LRRC74B: variants seen among roughly 807,000 people sequenced by gnomAD.
LRRC74B encodes the protein leucine rich repeat containing 74B.
A neutral mutation model predicts 16.6 loss-of-function variants in LRRC74B; 30 were observed. That is an observed-to-expected ratio of 1.80 (90% CI 1.35 to 2.45). LRRC74B has a LOEUF of 2.45. LRRC74B is among the 30% of genes most tolerant of loss of function. The probability of loss-of-function intolerance (pLI) is 0.00; values close to 1 mark genes in which losing one functional copy is unlikely to be tolerated. For synonymous variants in LRRC74B, 134 were observed against 86.0 expected (o/e 1.56, Z -3.09); for missense variants, 326 against 202.4 (o/e 1.61, Z -3.71).
At chr22:21,048,822 T>C in intron 3 of LRRC74B, 129 bp from the exon 4 acceptor site, 1 of 614,394 alleles carries the variant, frequency 1.6e-6, no homozygotes, top group Non-Finnish European at 3.0e-6. Flanking sequence ...AGAGCCACCA[T>C]GCAACCCCAG....
intron 8 of LRRC74B, among the ~76,000 whole-genome samples, chr22:21,058,631 T>G (rs929362805): frequency 1.3e-5 from 2 of 152,176 alleles, no homozygotes; most frequent in Non-Finnish European, 2.9e-5. Flanking sequence ...CTGTGTAGTT[T>G]CAATTCTTCA....
In LRRC74B at chr22:21,053,390, T is replaced by G. The variant is rs1169474173; in HGVS notation, c.763T>G (p.Ser255Ala). The G allele has an allele frequency of 5.6e-6, 4 of 717,280 alleles. No homozygotes were observed. In the African/African-American group the frequency reaches 7.0e-5, roughly 13 times the overall value. The allele number at this position is 717,280 out of a possible 1,614,324, so 44.4% of individuals were successfully genotyped here. Residue 255 changes from serine (S) to alanine (A), a missense_variant, in exon 6 of 9, where the codon TCA becomes GCA. Physicochemically the swap from Ser to Ala is moderately conservative, Grantham distance 99. Transcript: ENST00000442047. ...CATCTTCCTTAAAGTTCTAGACATC[T>G]CATACAATGGCTTTGGGGATCCTGG...
chr22:21,056,907 C>A (rs535821328), intron 7 of LRRC74B, 198 bp from the exon 8 acceptor site: 3 of 581,094 alleles, frequency 5.2e-6, no homozygotes, highest in East Asian at 5.7e-5. Context: ...TCGGAGGCCT[C>A]TCCCTTCCTT....
At chr22:21,049,705 C>T (rs140270632) in intron 4 of LRRC74B, among the ~76,000 whole-genome samples, 160 of 151,802 alleles carry the variant, frequency 1.1e-3, no homozygotes, top group African/African-American at 3.7e-3. Context: ...GCCAGGGAAG[C>T]GTGGCCAGGC....
At chr22:21,048,048 C>A in intron 3 of LRRC74B, 32 bp downstream of exon 3, 1 of 716,464 alleles carries the variant, frequency 1.4e-6, no homozygotes, top group Non-Finnish European at 2.6e-6. Flanking sequence ...GGTGGGCAGG[C>A]GTGTCCTCCT....
intron 7 of LRRC74B, chr22:21,056,661 G>A (rs1727958676): frequency 5.7e-6 from 1 of 174,704 alleles, no homozygotes; most frequent in Non-Finnish European, 1.2e-5. Flanking sequence ...TTTCACCCCT[G>A]CCTTTGTTCC....
intron 3 of LRRC74B, chr22:21,048,673 A>G (rs1929697240): frequency 4.4e-6 from 2 of 456,508 alleles, no homozygotes; most frequent in African/African-American, 2.0e-5. Context: ...AGATGCAGCC[A>G]TCGACGGTAT....
At chr22:21,055,494 C>T (rs1413966787) in intron 7 of LRRC74B, among the ~76,000 whole-genome samples, 1 of 152,186 alleles carries the variant, frequency 6.6e-6, no homozygotes, top group African/African-American at 2.4e-5. Flanking sequence ...GAGACCCAGG[C>T]CCCACCCAGG....
chr22:21,064,067 A>G (rs982334694), downstream of LRRC74B: 9 of 152,940 alleles, frequency 5.9e-5, no homozygotes, highest in African/African-American at 2.2e-4. Context: ...TTTCTTATCC[A>G]TGCCCGGGGG....
intron 8 of LRRC74B, among the ~76,000 whole-genome samples, chr22:21,059,782 C>A (rs554618464): frequency 1.3e-3 from 202 of 152,116 alleles, no homozygotes; most frequent in African/African-American, 4.5e-3. Context: ...CTAACGTCTA[C>A]CCCGCAAGGC....
intron 1 of LRRC74B, 148 bp downstream of exon 1, chr22:21,046,273 T>G (rs1427988265): frequency 1.7e-6 from 1 of 599,994 alleles, no homozygotes; most frequent in African/African-American, 1.9e-5. Flanking sequence ...TCATTGCTCC[T>G]GGAAGCATCA....
chr22:21,046,627 TATAA>T (rs1310023478), intron 1 of LRRC74B, among the ~76,000 whole-genome samples: 1 of 151,708 alleles, frequency 6.6e-6, no homozygotes, highest in African/African-American at 2.4e-5. Flanking sequence ...TAAATAAATA[TATAA>T]ATAAATTATT....
At chr22:21,054,954 A>G (rs944283925) in intron 6 of LRRC74B, 144 bp from the exon 7 acceptor site, 3 of 632,860 alleles carry the variant, frequency 4.7e-6, no homozygotes, top group Admixed American at 4.6e-5. Flanking sequence ...TGATCTGTCC[A>G]GGGTTCCTGG....
intron 8 of LRRC74B, among the ~76,000 whole-genome samples, chr22:21,059,357 C>T (rs968374984): frequency 6.6e-5 from 10 of 152,280 alleles, no homozygotes; most frequent in Non-Finnish European, 1.3e-4. Context: ...CGTGCCATTG[C>T]ACTCCAGCCT....
intron 6 of LRRC74B, 45 bp from the exon 7 acceptor site, chr22:21,055,053 G>A: frequency 1.4e-6 from 1 of 713,164 alleles, no homozygotes; most frequent in South Asian, 1.5e-5. Flanking sequence ...CTGCACCGCT[G>A]CTTGGAAGGT....
intron 3 of LRRC74B, chr22:21,048,479 A>C (rs1929676773): frequency 7.9e-6 from 2 of 253,090 alleles, no homozygotes; most frequent in Non-Finnish European, 1.6e-5. Flanking sequence ...TGATCTGTGA[A>C]ATGGCCCCCA....
chr22:21,050,032 C>T (rs1416698630), intron 4 of LRRC74B, among the ~76,000 whole-genome samples: 2 of 152,046 alleles, frequency 1.3e-5, no homozygotes, highest in Non-Finnish European at 2.9e-5. Flanking sequence ...CCAGGAGAAT[C>T]GTCTTTTTAT....
chr22:21,049,773 A>T (rs1040304018), intron 4 of LRRC74B, among the ~76,000 whole-genome samples: 1 of 152,062 alleles, frequency 6.6e-6, no homozygotes, highest in Non-Finnish European at 1.5e-5. Flanking sequence ...AAAAACGGTG[A>T]AGATTTTGTT....
At chr22:21,057,820 G>A (rs1384819906) in intron 8 of LRRC74B, among the ~76,000 whole-genome samples, 3 of 145,886 alleles carry the variant, frequency 2.1e-5, no homozygotes, top group African/African-American at 7.6e-5. Flanking sequence ...TGTTGCCCAG[G>A]CTGGTTGCAA....
Sources: allele counts gnomAD v4.1 joint callset (sites outside exome capture counted in the v4.1 genomes callset), GRCh38; gene constraint gnomAD v4.1.1; transcripts MANE v1.5; gene names NCBI Gene and HGNC (gene_info 2026-07-23, HGNC 2026-07-21).